The following LRR1 variants were observed in gnomAD, a reference collection of about 807,000 sequenced individuals.
LRR1 encodes the protein leucine-rich repeat protein 1.
Under a neutral mutation model 31.6 loss-of-function variants are expected in LRR1, and 29 were observed. That is an observed-to-expected ratio of 0.92 (90% CI 0.68 to 1.25). LRR1 has a LOEUF of 1.25. Among genes scored for constraint, LRR1 ranks in the 50% most tolerant of loss-of-function variants. The probability of loss-of-function intolerance (pLI) is 0.00; values close to 1 mark genes in which losing one functional copy is unlikely to be tolerated. For missense variants in LRR1, 485 were observed against 487.2 expected (o/e 1.00, Z 0.04); for synonymous variants, 179 against 181.4 (o/e 0.99, Z 0.10).
chr14:49,610,015 A>G (rs555950789), intron 3 of LRR1, among the ~76,000 whole-genome samples: 67 of 152,332 alleles, frequency 4.4e-4, no homozygotes, highest in African/African-American at 1.5e-3. Context: ...CTGGGATTAC[A>G]GGCGTGAGCC....
intron 3 of LRR1, chr14:49,612,436 T>TA: frequency 8.4e-7 from 1 of 1,187,406 alleles, no homozygotes; most frequent in Non-Finnish European, 1.1e-6. Flanking sequence ...AGATAGAAAA[T>TA]ACAGTTTTTA....
intron 3 of LRR1, among the ~76,000 whole-genome samples, chr14:49,613,045 C>T (rs567110168): frequency 1.3e-3 from 201 of 151,862 alleles, no homozygotes; most frequent in Admixed American, 2.9e-3. Flanking sequence ...ACTAAAAATG[C>T]GAAAATTAGC....
At chr14:49,608,943 C>A in intron 3 of LRR1, among the ~76,000 whole-genome samples, 1 of 110,198 alleles carries the variant, frequency 9.1e-6, no homozygotes, top group Non-Finnish European at 1.7e-5. Context: ...GAGTCTCACT[C>A]TGTCGCCCAG....
chr14:49,600,580 A>T lies in LRR1; in HGVS notation c.183+1377A>T, dbSNP rs559197099. 200 of 1,571,068 alleles carry T rather than the reference A, an allele frequency of 1.3e-4. 1 individual carries two copies. The South Asian group carries it at 2.3e-3, about 18-fold the overall frequency. ...CACACTGTAAAAAAAAAAGAATAGG[A>T]TCAAGATGTATAAACTGTTGTTTAA... On this transcript the variant is annotated intron_variant, in intron 1 of 3. Transcript: ENST00000298288.
intron 2 of LRR1, 36 bp downstream of exon 2, chr14:49,602,504 C>A: frequency 6.5e-7 from 1 of 1,529,912 alleles, no homozygotes; most frequent in Non-Finnish European, 9.0e-7. Context: ...TAATATTTGG[C>A]TGTATTTTCT....
chr14:49,605,301 G>A (rs1439908582), intron 2 of LRR1, among the ~76,000 whole-genome samples: 5 of 152,094 alleles, frequency 3.3e-5, no homozygotes, highest in African/African-American at 9.7e-5. Context: ...TCTCCTCCTT[G>A]TGATTTTTCA....
intron 2 of LRR1, among the ~76,000 whole-genome samples, chr14:49,604,271 C>T (rs1882203494): frequency 6.6e-6 from 1 of 152,060 alleles, no homozygotes; most frequent in Admixed American, 6.5e-5. Context: ...CACCACTGCA[C>T]TCCAACCTGG....
At chr14:49,612,873 A>G (rs549276338) in intron 3 of LRR1, among the ~76,000 whole-genome samples, 2 of 152,180 alleles carry the variant, frequency 1.3e-5, no homozygotes, top group East Asian at 3.9e-4. Context: ...CAATCTCAAG[A>G]CTGTGTTTTA....
chr14:49,610,272 T>C (rs1310899656), intron 3 of LRR1, among the ~76,000 whole-genome samples: 1 of 139,476 alleles, frequency 7.2e-6, no homozygotes, highest in Non-Finnish European at 1.6e-5. Flanking sequence ...TGAGATGGAG[T>C]TTTGCTCTTG....
chr14:49,608,332 C>T (rs1018599306), intron 3 of LRR1, among the ~76,000 whole-genome samples: 7 of 148,588 alleles, frequency 4.7e-5, no homozygotes, highest in Admixed American at 2.0e-4. Context: ...AGTTTTCTGC[C>T]GAAGTGTCAT....
chr14:49,610,291 GC>G, intron 3 of LRR1, among the ~76,000 whole-genome samples: 1 of 14,492 alleles, frequency 6.9e-5, no homozygotes, highest in South Asian at 9.3e-4. Context: ...TGTTGCCCAG[GC>G]TGGAGTGCAG....
rs766234637 is a variant in LRR1 at position 49,614,543 on chromosome 14, TG to T, written c.*48del. The stretch of plus-strand genomic sequence containing the variant: ...ATTTCAATAACAGATCAGTTTGGGG[TG>T]CATGTATGATTTTGCAGCGTCAAAT... On this transcript the variant is annotated 3_prime_UTR_variant, in exon 4 of 4. Transcript: ENST00000298288. 8.1e-6 allele frequency: 13 copies of T among 1,611,086 alleles called. No individual in the cohort carries two copies. The South Asian group carries it at 9.9e-5, about 12-fold the overall frequency.
intron 1 of LRR1, 39 bp from the exon 2 acceptor site, chr14:49,602,331 A>G (rs780669617): frequency 1.3e-5 from 20 of 1,527,122 alleles, no homozygotes; most frequent in Non-Finnish European, 1.7e-5. Flanking sequence ...GAGTAACAAT[A>G]ATTAGTTTTC....
Position 49,608,044 on chromosome 14 carries a change from A to G in LRR1, c.927A>G (p.Pro309=). The G allele has an allele frequency of 6.2e-7, 1 of 1,612,294 alleles. No individual in the cohort carries two copies. Among genetic ancestry groups the G allele is most frequent in the East Asian group, 2.2e-5 (1 of 44,876 alleles). Reference sequence around the variant, plus strand: ...TTTTTGGAAATACTTTTGAACAACCAAAAGTCCTTCCAGTAATAAAGCTGC... The same window carrying G: ...TTTTTGGAAATACTTTTGAACAACCGAAAGTCCTTCCAGTAATAAAGCTGC... ...LDLFGNTFEQ[P]KVLPVIKLQA... Residue 309 remains proline (P), a synonymous_variant, in exon 3 of 4, where the codon CCA becomes CCG. Coordinates refer to ENST00000298288, the MANE Select transcript of LRR1 (RefSeq NM_152329.4).
At chr14:49,605,874 A>G (rs1018382752) in intron 2 of LRR1, among the ~76,000 whole-genome samples, 37 of 152,338 alleles carry the variant, frequency 2.4e-4, no homozygotes, top group African/African-American at 8.7e-4. Flanking sequence ...CAGTGCTACC[A>G]AAATAGTATT....
rs1175386328 is a variant in LRR1, at chr14:49,604,140, A to AC, written c.282+1672_282+1673insC. ...CAACATGGTGAAACCCTGTCTCCAC[A>AC]AAAAAAAAAAAAAAAATTAGCCAGG... On this transcript the variant is annotated intron_variant, in intron 2 of 3. Transcript: ENST00000298288. Among the ~76,000 whole-genome samples, 484 of 134,732 alleles carry AC rather than the reference A, an allele frequency of 3.6e-3. 9 individuals are homozygous for AC. Among genetic ancestry groups the AC allele is most frequent in the Admixed American group, 2.6e-3 (34 of 13,138 alleles). 88.4% of individuals were successfully genotyped at this position (134,732 alleles called of 152,430 possible).
intron 1 of LRR1, 105 bp from the exon 2 acceptor site, chr14:49,602,265 G>C: frequency 1.2e-6 from 1 of 849,814 alleles, no homozygotes; most frequent in East Asian, 3.9e-5. Flanking sequence ...AGGACTAAAA[G>C]CCAAACCAAA....
At chr14:49,599,294 C>T (rs1439100467) in intron 1 of LRR1, 91 bp downstream of exon 1, 2 of 1,387,068 alleles carry the variant, frequency 1.4e-6, no homozygotes, top group Non-Finnish European at 1.9e-6. Context: ...CCGGCTGCTC[C>T]CTAGGCGAAA....
rs199553597 is a variant in LRR1, at chr14:49,614,463, C to T, written c.1212C>T (p.Gly404=). Residue 404 remains glycine, a synonymous_variant, in exon 4 of 4, where the codon GGC becomes GGT. Coordinates refer to ENST00000298288, the MANE Select transcript of LRR1 (RefSeq NM_152329.4). ...TTATCTCTTATTTCTGTTCTCTAGG[C>T]TGTTATGTTAATTCCTCTGATATGT... ...APIISYFCSL[G]CYVNSSDMLK 13 of 1,613,722 alleles carry T rather than the reference C, an allele frequency of 8.1e-6. No individual in the cohort carries two copies. In the East Asian group the frequency reaches 2.5e-4, roughly 30 times the overall value.
Sources: allele counts gnomAD v4.1 joint callset (sites outside exome capture counted in the v4.1 genomes callset), GRCh38; gene constraint gnomAD v4.1.1; transcripts MANE v1.5; gene names NCBI Gene and HGNC (gene_info 2026-07-23, HGNC 2026-07-21).